PTPRM: variants seen among roughly 807,000 people sequenced by gnomAD.
PTPRM encodes the protein protein tyrosine phosphatase receptor type M.
Under a neutral mutation model 186.7 loss-of-function variants are expected in PTPRM, and 47 were observed. The observed-to-expected ratio is 0.25, with a 90% CI of 0.20 to 0.32. The LOEUF is 0.32. PTPRM is among the 10% of genes least tolerant of loss of function. PTPRM has a pLI of 1.00. For missense variants in PTPRM, 1,494 were observed against 1,865.0 expected, an observed-to-expected ratio of 0.80 and a Z score of 3.66; for synonymous variants, 668 against 674.9, an observed-to-expected ratio of 0.99 and a Z score of 0.16.
At chr18:7,972,513 G>GAA (rs11463155) in intron 7 of PTPRM, among the ~76,000 whole-genome samples, 52 of 65,940 alleles carry the variant, frequency 7.9e-4, no homozygotes, top group African/African-American at 2.2e-3. Context: ...ACATGGAATA[G>GAA]AAAAAAAAAA....
At chr18:8,271,915 G>T (rs1397877343) in intron 19 of PTPRM, among the ~76,000 whole-genome samples, 1 of 151,892 alleles carries the variant, frequency 6.6e-6, no homozygotes, top group African/African-American at 2.4e-5. Flanking sequence ...TCTTTTCAAA[G>T]AAATAACTTT....
At chr18:8,322,857 T>TGA (rs2095354219) in intron 22 of PTPRM, among the ~76,000 whole-genome samples, 1 of 152,168 alleles carries the variant, frequency 6.6e-6, no homozygotes, top group Non-Finnish European at 1.5e-5. Flanking sequence ...TTTCACTCTG[T>TGA]CACCTAGACT....
chr18:7,966,901 G>A (rs1277849078), intron 7 of PTPRM, among the ~76,000 whole-genome samples: 1 of 126,946 alleles, frequency 7.9e-6, no homozygotes, highest in African/African-American at 2.6e-5. Context: ...CATTGCCCAG[G>A]CTTGCTGAGG....
intron 7 of PTPRM, among the ~76,000 whole-genome samples, chr18:7,993,900 T>A (rs942687415): frequency 1.3e-5 from 2 of 151,870 alleles, no homozygotes; most frequent in Admixed American, 6.6e-5. Flanking sequence ...AAGAAATGAA[T>A]AAAGGATTTA....
chr18:7,995,119 A>C lies in PTPRM; in HGVS notation c.1132+39705A>C, dbSNP rs137900127. On this transcript the variant is annotated intron_variant, in intron 7 of 32. Transcript: ENST00000580170. ...AGACCCAAAAAAAATTAGAACAAAA[A>C]GGAGACATTACAATTGATACCACAG... Among the ~76,000 whole-genome samples the C allele has an allele frequency of 4.6e-5, 7 of 152,252 alleles. No individual in the cohort carries two copies. In the East Asian group the frequency reaches 1.4e-3, roughly 29 times the overall value.
chr18:7,934,449 T>C (rs1380356578), intron 5 of PTPRM, among the ~76,000 whole-genome samples: 1 of 152,200 alleles, frequency 6.6e-6, no homozygotes, highest in African/African-American at 2.4e-5. Flanking sequence ...ATTTTAAAAC[T>C]TTTTCTGAGA....
intron 14 of PTPRM, among the ~76,000 whole-genome samples, chr18:8,168,692 A>G (rs543350741): frequency 1.3e-5 from 2 of 152,362 alleles, no homozygotes; most frequent in South Asian, 4.1e-4. Flanking sequence ...AGATAATCAC[A>G]AATTGTTTAG....
chr18:8,381,172 G>A (rs1253292336), intron 29 of PTPRM, among the ~76,000 whole-genome samples: 4 of 152,112 alleles, frequency 2.6e-5, no homozygotes, highest in South Asian at 2.1e-4. Flanking sequence ...GAAGCAGGTT[G>A]TCAGGCAAGC....
At position 7,650,105 on chromosome 18, in the gene PTPRM, A is replaced by T. The variant is rs191516719; in HGVS notation, c.73+82214A>T. On this transcript the variant is annotated intron_variant, in intron 1 of 32. Transcript: ENST00000580170. ...CAGTATCTGTGCGGATTACTGGTAC[A>T]GTATTCAGGGGATGCAGAGCTCTTA... 3.9e-5 allele frequency among the ~76,000 whole-genome samples: 6 copies of T among 152,280 alleles called. No homozygotes were observed. The East Asian group carries it at 9.7e-4, about 25-fold the overall frequency.
At chr18:7,733,138 G>A (rs562532447) in intron 1 of PTPRM, among the ~76,000 whole-genome samples, 2 of 152,220 alleles carry the variant, frequency 1.3e-5, no homozygotes, top group South Asian at 4.2e-4. Context: ...TTACATAGGT[G>A]TACATGCGCC....
At chr18:7,884,988 A>C (rs1052018559) in intron 2 of PTPRM, among the ~76,000 whole-genome samples, 3 of 150,854 alleles carry the variant, frequency 2.0e-5, no homozygotes, top group African/African-American at 7.3e-5. Context: ...TGAGAAGAAC[A>C]GGGTTGGGGC....
intron 2 of PTPRM, among the ~76,000 whole-genome samples, chr18:7,880,584 CTG>C (rs2048457592): frequency 6.6e-6 from 1 of 152,330 alleles, no homozygotes; most frequent in East Asian, 1.9e-4. Flanking sequence ...AGCTTGGAGA[CTG>C]TGGTTTCATC....
chr18:7,872,774 C>T (rs2048045029), intron 2 of PTPRM, among the ~76,000 whole-genome samples: 1 of 152,180 alleles, frequency 6.6e-6, no homozygotes, highest in African/African-American at 2.4e-5. Flanking sequence ...TTCTGACCTT[C>T]AGACCATTTT....
chr18:8,226,685 T>C (rs1412969226), intron 14 of PTPRM, among the ~76,000 whole-genome samples: 1 of 152,230 alleles, frequency 6.6e-6, no homozygotes, highest in African/African-American at 2.4e-5. Flanking sequence ...CTTGTATTAG[T>C]TTCCTGTTCC....
intron 4 of PTPRM, among the ~76,000 whole-genome samples, chr18:7,914,557 T>C (rs752012514): frequency 1.4e-4 from 22 of 152,126 alleles, no homozygotes; most frequent in Admixed American, 2.0e-4. Context: ...CATTAGTTAA[T>C]GTACATATAG....
chr18:7,582,357 G>A (rs1405032821), intron 1 of PTPRM, among the ~76,000 whole-genome samples: 1 of 152,212 alleles, frequency 6.6e-6, no homozygotes, highest in Non-Finnish European at 1.5e-5. Flanking sequence ...AGCTGGGACA[G>A]TTGGACTCTC....
intron 7 of PTPRM, among the ~76,000 whole-genome samples, chr18:7,977,064 A>G (rs2055001108): frequency 6.6e-6 from 1 of 152,114 alleles, no homozygotes; most frequent in Non-Finnish European, 1.5e-5. Context: ...TTATAATGAA[A>G]TAAATTAATA....
intron 19 of PTPRM, among the ~76,000 whole-genome samples, chr18:8,261,202 A>G (rs959487081): frequency 3.2e-4 from 49 of 152,194 alleles, no homozygotes; most frequent in African/African-American, 1.0e-3. Flanking sequence ...CCCATAGGAT[A>G]CAAAACAAAC....
intron 24 of PTPRM, 50 bp from the exon 25 acceptor site, chr18:8,375,996 G>T (rs1338827226): frequency 4.5e-6 from 7 of 1,555,364 alleles, no homozygotes; most frequent in East Asian, 4.5e-5. Context: ...CTTATTTGTG[G>T]TTTGTTTTCC....
Sources: allele counts gnomAD v4.1 joint callset (sites outside exome capture counted in the v4.1 genomes callset), GRCh38; gene constraint gnomAD v4.1.1; transcripts MANE v1.5; gene names NCBI Gene and HGNC (gene_info 2026-07-23, HGNC 2026-07-21).